Variants in CEP20 observed in about 807,000 individuals in gnomAD.
CEP20 encodes centrosomal protein 20.
A neutral mutation model predicts 20.0 loss-of-function variants in CEP20; 18 were observed. The ratio of observed to expected loss-of-function variants is 0.90; its 90% confidence interval spans 0.62 to 1.34. The LOEUF is 1.34. Ranked by LOEUF, CEP20 falls within the 40% of genes most tolerant of loss-of-function variation. The probability of loss-of-function intolerance (pLI) is 0.00; values close to 1 mark genes in which losing one functional copy is unlikely to be tolerated. For missense variants in CEP20, 215 were observed against 201.6 expected, an observed-to-expected ratio of 1.07 and a Z score of -0.40; for synonymous variants, 77 against 73.7, an observed-to-expected ratio of 1.04 and a Z score of -0.23.
intron 1 of CEP20, chr16:15,885,913 G>A (rs2045234499): frequency 6.6e-6 from 1 of 152,166 alleles, no homozygotes; most frequent in Non-Finnish European, 1.5e-5. Flanking sequence ...TATAGATAAT[G>A]GGGATCTTAG....
intron 1 of CEP20, among the ~76,000 whole-genome samples, chr16:15,888,304 T>C (rs754138721): frequency 6.6e-6 from 1 of 152,080 alleles, no homozygotes; most frequent in African/African-American, 2.4e-5. Context: ...GCCTCTTAGA[T>C]GCCTGAAGAT....
In CEP20 at chr16:15,888,581, G is replaced by A. The variant is rs775219497; in HGVS notation, c.5C>T (p.Ala2Val). Residue 2 changes from alanine to valine, a missense_variant, in exon 1 of 5, where the codon GCG becomes GTG. By Grantham distance (64) the Ala-to-Val change is moderately conservative (BLOSUM62 0). Transcript: ENST00000255759. ...ACCAGCCTTCAACTCTGCCACAGTCGCCATTTTTCAACGGCCGCCAGGGCC... is the reference window on the plus strand; with the variant it reads ...ACCAGCCTTCAACTCTGCCACAGTCACCATTTTTCAACGGCCGCCAGGGCC... M[A>V]TVAELKAVLK... 5.5e-5 allele frequency: 88 copies of A among 1,613,978 alleles called. No homozygotes were observed. The highest frequency in any genetic ancestry group is 6.9e-5 in the Non-Finnish European group (82 of 1,180,014).
In CEP20 at chr16:15,867,321, T is replaced by C; in HGVS notation, c.*119A>G. 2 of 643,936 alleles carry C rather than the reference T, an allele frequency of 3.1e-6. No individual in the cohort carries two copies. Among genetic ancestry groups the C allele is most frequent in the Non-Finnish European group, 4.9e-6 (2 of 412,352 alleles). The allele number at this position is 643,936 out of a possible 1,614,324, so 39.9% of individuals were successfully genotyped here. The stretch of plus-strand genomic sequence containing the variant: ...CAAATGTAGTTAAACATGAGGGGTG[T>C]TTTGTAGAAACTCCAATTTCTACAA... On this transcript the variant is annotated 3_prime_UTR_variant, in exon 5 of 5. Coordinates refer to ENST00000255759, the MANE Select transcript of CEP20 (RefSeq NM_144600.4).
At position 15,873,563 on chromosome 16, in the gene CEP20, A is replaced by T; in HGVS notation, c.376T>A (p.Phe126Ile). 1 of 1,614,104 alleles carries T rather than the reference A, an allele frequency of 6.2e-7. No individual in the cohort carries two copies. Among genetic ancestry groups the T allele is most frequent in the East Asian group, 2.2e-5 (1 of 44,876 alleles). ...GGCTGAAGTGAAGGCCCTTTCAGAA[A>T]TGCATTCTGGATGCCATCCTTAGTT... ...RGTKDGIQNAFLKGPSLQPSD... is the reference protein window; with the variant it reads ...RGTKDGIQNAILKGPSLQPSD... Residue 126 changes from phenylalanine (F) to isoleucine (I), a missense_variant, in exon 4 of 5, where the codon TTT becomes ATT. By Grantham distance (21) the Phe-to-Ile change is conservative. Coordinates refer to ENST00000255759, the MANE Select transcript of CEP20 (RefSeq NM_144600.4).
intron 4 of CEP20, among the ~76,000 whole-genome samples, chr16:15,871,757 A>G (rs2044824939): frequency 1.3e-5 from 2 of 152,126 alleles, no homozygotes. Flanking sequence ...CAGCATTCTA[A>G]TATATATAGA....
intron 3 of CEP20, among the ~76,000 whole-genome samples, chr16:15,878,159 AAAGATGCTCCAATAGAAGTT>A (rs368817215): frequency 6.6e-6 from 1 of 152,308 alleles, no homozygotes; most frequent in African/African-American, 2.4e-5. Context: ...AACAGAAAGG[AAAGATGCTCCAATAGAAGTT>A]AAGATGCTCC....
chr16:15,869,897 T>G (rs58202308), intron 4 of CEP20, among the ~76,000 whole-genome samples: 10,124 of 152,172 alleles, frequency 0.067, 454 homozygotes, highest in East Asian at 0.22. Flanking sequence ...AAGAAAATAA[T>G]TTGCAAAATC....
chr16:15,876,187 A>G (rs11075283), intron 3 of CEP20, among the ~76,000 whole-genome samples: 10,384 of 149,758 alleles, frequency 0.069, 476 homozygotes, highest in East Asian at 0.22. Flanking sequence ...TTTTTTTTAA[A>G]GAATTGAAGT....
At chr16:15,884,583 CCT>C (rs2045196221) in intron 1 of CEP20, among the ~76,000 whole-genome samples, 1 of 152,126 alleles carries the variant, frequency 6.6e-6, no homozygotes, top group Non-Finnish European at 1.5e-5. Flanking sequence ...CTCACTGCAA[CCT>C]CTGCCTCCCA....
chr16:15,888,071 C>G (rs2045287773), intron 1 of CEP20, among the ~76,000 whole-genome samples: 1 of 134,728 alleles, frequency 7.4e-6, no homozygotes, highest in Non-Finnish European at 1.6e-5. Context: ...GAGAGACCCT[C>G]TCTTTAAAAA....
At chr16:15,878,774 C>T (rs11644635) in intron 3 of CEP20, among the ~76,000 whole-genome samples, 44,035 of 152,038 alleles carry the variant, frequency 0.29, 7,665 homozygotes, top group Non-Finnish European at 0.38. Flanking sequence ...GCTGGGACTA[C>T]AGGCATGAGC....
At chr16:15,873,752 C>T (rs1472998117) in intron 3 of CEP20, 125 bp from the exon 4 acceptor site, 2 of 1,114,722 alleles carry the variant, frequency 1.8e-6, no homozygotes, top group African/African-American at 3.2e-5. Flanking sequence ...ATTCACTAGA[C>T]TTTAAAAAGC....
In CEP20 at chr16:15,884,148, C is replaced by A; in HGVS notation, c.86G>T (p.Arg29Leu). ...ATCTAGGGCATTGAAAACTTCAGCT[C>A]GGATCCTTGCTTTTAAATGCCCTAA... Reference protein sequence around the residue: ...GVLGHLKARIRAEVFNALDDD... With the variant: ...GVLGHLKARILAEVFNALDDD... The change falls in exon 2 of 5, where the codon CGA becomes CTA. Residue 29 changes from arginine (R) to leucine (L), a missense_variant. Physicochemically the swap from Arg to Leu is moderately radical, Grantham distance 102. Coordinates refer to ENST00000255759, the MANE Select transcript of CEP20 (RefSeq NM_144600.4). The A allele has an allele frequency of 6.2e-7, 1 of 1,614,024 alleles. No individual in the cohort carries two copies. The highest frequency in any genetic ancestry group is 8.5e-7 in the Non-Finnish European group (1 of 1,179,946).
intron 2 of CEP20, among the ~76,000 whole-genome samples, chr16:15,882,585 C>G (rs763247112): frequency 1.3e-5 from 2 of 152,048 alleles, no homozygotes; most frequent in African/African-American, 2.4e-5. Flanking sequence ...ATAAATTACC[C>G]AGTCTCAGGT....
At chr16:15,883,076 CAG>C (rs1427103542) in intron 2 of CEP20, 2 of 149,896 alleles carry the variant, frequency 1.3e-5, no homozygotes, top group African/African-American at 4.9e-5. Flanking sequence ...AAAAAAAAGA[CAG>C]GGGTTGGGTG....
intron 1 of CEP20, among the ~76,000 whole-genome samples, chr16:15,886,724 G>A (rs1239096847): frequency 2.6e-5 from 4 of 152,088 alleles, no homozygotes; most frequent in Non-Finnish European, 4.4e-5. Flanking sequence ...AAAGGTAAAT[G>A]CCCATAAAAT....
Position 15,867,378 on chromosome 16 carries a change from C to T in CEP20, c.*62G>A. 3.1e-6 allele frequency: 4 copies of T among 1,299,640 alleles called. No individual in the cohort carries two copies. The highest frequency in any genetic ancestry group is 4.2e-6 in the Non-Finnish European group (4 of 953,146). 80.5% of individuals were successfully genotyped at this position (1,299,640 alleles called of 1,614,324 possible). A position where few individuals can be genotyped will look rare whatever the true frequency, so the allele number is the denominator to read the frequency against. On this transcript the variant is annotated 3_prime_UTR_variant, in exon 5 of 5. Transcript: ENST00000255759. ...GTGGTGCATTTTGGTAACATTGGGA[C>T]AATAAATAAGTTATTTAATTAATAA...
chr16:15,882,263 C>T (rs570484843), intron 2 of CEP20, among the ~76,000 whole-genome samples: 140 of 152,284 alleles, frequency 9.2e-4, no homozygotes, highest in Non-Finnish European at 1.1e-3. Flanking sequence ...TTTCTTCAAC[C>T]GGGTGCGGTG....
intron 4 of CEP20, among the ~76,000 whole-genome samples, chr16:15,868,504 T>C (rs2044739790): frequency 6.6e-6 from 1 of 152,204 alleles, no homozygotes; most frequent in Non-Finnish European, 1.5e-5. Flanking sequence ...CTTGAGAATA[T>C]ATGAACCCCA....
Sources: gnomAD v4.1 joint callset for allele counts (sites outside exome capture counted in the v4.1 genomes callset) on GRCh38, gnomAD v4.1.1 for gene constraint, MANE v1.5 for transcripts, NCBI Gene and HGNC (gene_info 2026-07-23, HGNC 2026-07-21) for gene names.